Variants in ZMAT4 observed in about 807,000 individuals in gnomAD.
ZMAT4 encodes zinc finger matrin-type protein 4.
Under a neutral mutation model 28.7 loss-of-function variants are expected in ZMAT4, and 17 were observed. The ratio of observed to expected loss-of-function variants is 0.59; its 90% CI spans 0.41 to 0.89. The LOEUF is 0.89. Ranked by LOEUF, ZMAT4 falls within the 40% of genes least tolerant of loss-of-function variation. ZMAT4 has a pLI of 0.00. For missense variants in ZMAT4, 240 were observed against 283.8 expected (o/e 0.85, Z 1.11); for synonymous variants, 117 against 109.2 (o/e 1.07, Z -0.44).
chr8:40,658,613 GACACATACACACACACAC>G (rs1265005395), intron 5 of ZMAT4, among the ~76,000 whole-genome samples: 3 of 101,316 alleles, frequency 3.0e-5, no homozygotes, highest in African/African-American at 1.4e-4. Context: ...GGCAGCGTTA[GACACATACACACACACAC>G]ACACACACAC....
intron 5 of ZMAT4, among the ~76,000 whole-genome samples, chr8:40,618,462 T>TA (rs1424268820): frequency 2.0e-5 from 3 of 152,178 alleles, no homozygotes; most frequent in Non-Finnish European, 2.9e-5. Context: ...GCTGCAGATT[T>TA]AAAAAATACA....
chr8:40,562,381 G>C (rs924015335), intron 6 of ZMAT4, among the ~76,000 whole-genome samples: 2 of 152,102 alleles, frequency 1.3e-5, no homozygotes, highest in Non-Finnish European at 2.9e-5. Flanking sequence ...CAGGGGCCAG[G>C]GAGGAAGTTC....
chr8:40,560,129 T>C (rs1803686304), intron 6 of ZMAT4, among the ~76,000 whole-genome samples: 1 of 151,972 alleles, frequency 6.6e-6, no homozygotes, highest in African/African-American at 2.4e-5. Flanking sequence ...AATACACTTC[T>C]AGCTCAAGCT....
At chr8:40,887,148 G>A (rs1209543323) in intron 1 of ZMAT4, among the ~76,000 whole-genome samples, 2 of 142,056 alleles carry the variant, frequency 1.4e-5, no homozygotes, top group East Asian at 2.2e-4. Flanking sequence ...TCCAGCCTGG[G>A]TGACAGAGCA....
In ZMAT4 at chr8:40,786,802, A is replaced by T. The variant is rs1563483657; in HGVS notation, c.103-19072T>A. ...TGGACCCTAGGATAGATGGGAACAA[A>T]CAGACTGTGCTTACAGAAGAAAATT... is the stretch of plus-strand genomic sequence containing the variant. On this transcript the variant is annotated intron_variant, in intron 2 of 6. Transcript: ENST00000297737. The T allele has an allele frequency of 2.5e-6, 3 of 1,204,012 alleles. 1 individual carries two copies. Among genetic ancestry groups the T allele is most frequent in the Non-Finnish European group, 3.3e-6 (3 of 912,242 alleles). 74.6% of individuals were successfully genotyped at this position (1,204,012 alleles called of 1,614,324 possible).
At chr8:40,763,954 C>T (rs772700769) in intron 3 of ZMAT4, among the ~76,000 whole-genome samples, 6 of 151,940 alleles carry the variant, frequency 3.9e-5, no homozygotes, top group Non-Finnish European at 8.8e-5. Flanking sequence ...TCAGCAGTTA[C>T]TTACATTTTG....
chr8:40,639,771 TACACACACACAC>T lies in ZMAT4; in HGVS notation c.577+34921_577+34932del, dbSNP rs10676366. On this transcript the variant is annotated intron_variant, in intron 5 of 6. Coordinates refer to ENST00000297737, the MANE Select transcript of ZMAT4 (RefSeq NM_024645.3). Reference sequence around the variant, plus strand: ...AACTAACAAAATTAAGTCCTTTTGTTACACACACACACACACACACACACACACACATTCTTT... The same window carrying T: ...AACTAACAAAATTAAGTCCTTTTGTTACACACACACACACACACATTCTTT... Among the ~76,000 whole-genome samples the T allele has an allele frequency of 2.3e-4, 33 of 146,352 alleles. 1 individual carries two copies. Among genetic ancestry groups the T allele is most frequent in the African/African-American group, 1.3e-4 (5 of 39,574 alleles).
intron 5 of ZMAT4, among the ~76,000 whole-genome samples, chr8:40,630,475 A>C (rs373641229): frequency 2.3e-4 from 35 of 152,312 alleles, no homozygotes; most frequent in Middle Eastern, 3.4e-3. Flanking sequence ...CTAAACTCAC[A>C]CAACCAAACC....
intron 5 of ZMAT4, among the ~76,000 whole-genome samples, chr8:40,595,336 G>A (rs1252744388): frequency 2.6e-5 from 4 of 152,032 alleles, no homozygotes; most frequent in East Asian, 3.9e-4. Context: ...ATACATACAC[G>A]TGTATAAATG....
intron 1 of ZMAT4, among the ~76,000 whole-genome samples, chr8:40,841,429 G>A (rs1001649671): frequency 3.3e-5 from 5 of 152,138 alleles, no homozygotes; most frequent in East Asian, 1.9e-4. Flanking sequence ...TCCCTTCCAC[G>A]TCTTGTTAAA....
chr8:40,805,235 T>C (rs1167995481), intron 2 of ZMAT4, among the ~76,000 whole-genome samples: 2 of 150,384 alleles, frequency 1.3e-5, no homozygotes, highest in Non-Finnish European at 3.0e-5. Context: ...AAAACCACAA[T>C]GAGATACCAT....
chr8:40,826,780 T>A (rs1312299717), intron 1 of ZMAT4, among the ~76,000 whole-genome samples: 1 of 152,038 alleles, frequency 6.6e-6, no homozygotes, highest in East Asian at 1.9e-4. Context: ...AAACCCGGAA[T>A]CAAAATGCAG....
At chr8:40,682,558 G>T (rs1809222842) in intron 4 of ZMAT4, among the ~76,000 whole-genome samples, 1 of 152,162 alleles carries the variant, frequency 6.6e-6, no homozygotes, top group South Asian at 2.1e-4. Context: ...AAATCCACAT[G>T]CTATTTATTT....
At chr8:40,841,255 C>T (rs1816692400) in intron 1 of ZMAT4, among the ~76,000 whole-genome samples, 1 of 152,200 alleles carries the variant, frequency 6.6e-6, no homozygotes, top group Middle Eastern at 3.2e-3. Context: ...GCCTACCCCT[C>T]AGTTTCTGAT....
At chr8:40,565,549 T>C (rs903647260) in intron 6 of ZMAT4, among the ~76,000 whole-genome samples, 14 of 151,800 alleles carry the variant, frequency 9.2e-5, no homozygotes, top group Non-Finnish European at 2.1e-4. Context: ...GCTAATTTTT[T>C]GTATTTTTAG....
chr8:40,733,121 C>T (rs182350384), intron 3 of ZMAT4, among the ~76,000 whole-genome samples: 87 of 152,046 alleles, frequency 5.7e-4, no homozygotes, highest in African/African-American at 2.0e-3. Flanking sequence ...CAAGCAAAAC[C>T]CAACATGTTT....
chr8:40,894,168 C>T (rs988663701), intron 1 of ZMAT4, among the ~76,000 whole-genome samples: 2 of 152,228 alleles, frequency 1.3e-5, no homozygotes, highest in African/African-American at 4.8e-5. Context: ...GGGCTTGCGG[C>T]TGGTGGGACT....
At chr8:40,824,201 TAAG>T (rs1815934731) in intron 2 of ZMAT4, among the ~76,000 whole-genome samples, 1 of 152,226 alleles carries the variant, frequency 6.6e-6, no homozygotes, top group African/African-American at 2.4e-5. Context: ...AATTGCTGGA[TAAG>T]CCTTCCAATA....
chr8:40,534,501 C>T (rs1009482561), intron 6 of ZMAT4, among the ~76,000 whole-genome samples: 6 of 152,076 alleles, frequency 3.9e-5, no homozygotes, highest in African/African-American at 9.7e-5. Context: ...CCATTTGTGG[C>T]GAAGGGCAGT....
Sources: gnomAD v4.1 joint callset for allele counts (sites outside exome capture counted in the v4.1 genomes callset) on GRCh38, gnomAD v4.1.1 for gene constraint, MANE v1.5 for transcripts, NCBI Gene and HGNC (gene_info 2026-07-23, HGNC 2026-07-21) for gene names.